SCML1: variants seen among roughly 807,000 people sequenced by gnomAD.
The protein encoded by SCML1 is sex comb on midleg-like protein 1.
For missense variants in SCML1, 137 were observed against 258.1 expected (o/e 0.53, Z 3.22); for synonymous variants, 104 against 103.6 (o/e 1.00, Z -0.02).
chrX:17,749,380 A>G lies in SCML1; in HGVS notation c.199-20A>G. On this transcript the variant is annotated intron_variant, in intron 4 of 7. Coordinates refer to ENST00000380041, the MANE Select transcript of SCML1 (RefSeq NM_001037540.3). Reference sequence around the variant, plus strand: ...TTTTACATTGTATACCAATTATATGACTACATTGTATTATAATAGGTTATA... The same window carrying G: ...TTTTACATTGTATACCAATTATATGGCTACATTGTATTATAATAGGTTATA... 1.2e-6 allele frequency: 1 copy of G among 863,168 alleles called. No individual in the cohort carries two copies. The highest frequency in any genetic ancestry group is 1.6e-6 in the Non-Finnish European group (1 of 607,551). The allele number at this position is 863,168 out of a possible 1,213,427, so 71.1% of individuals were successfully genotyped here.
At chrX:17,752,520 A>G (rs1017218977) in intron 7 of SCML1, among the ~76,000 whole-genome samples, 2 of 112,648 alleles carry the variant, frequency 1.8e-5, no homozygotes, top group Non-Finnish European at 3.8e-5. Flanking sequence ...AAGGTGCCAA[A>G]CAAAGGTTGT....
At chrX:17,738,061 CT>C (rs1349478587) in intron 1 of SCML1, 2 of 112,801 alleles carry the variant, frequency 1.8e-5, no homozygotes, top group Non-Finnish European at 3.7e-5. Context: ...AGTTGATTTC[CT>C]GTCAGACCTT....
intron 1 of SCML1, among the ~76,000 whole-genome samples, chrX:17,740,350 G>T (rs920329079): frequency 3.6e-5 from 4 of 111,827 alleles, no homozygotes; most frequent in Non-Finnish European, 5.6e-5. Flanking sequence ...TGTTGTCTAT[G>T]TGCTCCTTGA....
intron 2 of SCML1, chrX:17,744,473 G>C (rs1405139637): frequency 7.8e-6 from 2 of 257,097 alleles, no homozygotes; most frequent in Admixed American, 1.3e-4. Flanking sequence ...ATTTAACTCT[G>C]TGAGAATCTG....
chrX:17,753,195 C>T (rs921963417), intron 7 of SCML1, 63 bp from the exon 8 acceptor site: 4 of 979,836 alleles, frequency 4.1e-6, no homozygotes, highest in Non-Finnish European at 5.4e-6. Flanking sequence ...TCATAAAGAA[C>T]TAACCATTCT....
At chrX:17,739,848 CA>C (rs747850155) in intron 1 of SCML1, among the ~76,000 whole-genome samples, 566 of 32,822 alleles carry the variant, frequency 0.017, no homozygotes, top group East Asian at 0.024. Context: ...GACTCTGTCT[CA>C]AAAAAAAAAA....
chrX:17,747,331 A>G (rs2066651791), intron 4 of SCML1, among the ~76,000 whole-genome samples: 2 of 110,625 alleles, frequency 1.8e-5, no homozygotes, highest in African/African-American at 6.6e-5. Context: ...CTCTGGCTCC[A>G]GTCCCTGTCC....
chrX:17,749,466 A>T lies in SCML1; in HGVS notation c.265A>T (p.Ile89Phe), dbSNP rs1480187842. The T allele has an allele frequency of 2.5e-6, 3 of 1,195,748 alleles. No homozygotes were observed. Among genetic ancestry groups the T allele is most frequent in the Non-Finnish European group, 2.3e-6 (2 of 884,101 alleles). Residue 89 changes from isoleucine to phenylalanine, a missense_variant, in exon 5 of 8, where the codon ATC becomes TTC. Transcript: ENST00000380041. The part of the protein sequence containing the change: ...IDVIRRKVSK[I>F]QRFHARSLWT... ...TGTGATTCGTAGAAAGGTTTCAAAA[A>T]TCCAACGTTTCCATGCGAGATCCCT...
At chrX:17,752,835 T>C (rs2066725421) in intron 7 of SCML1, among the ~76,000 whole-genome samples, 1 of 111,700 alleles carries the variant, frequency 9.0e-6, no homozygotes, top group Non-Finnish European at 1.9e-5. Flanking sequence ...CAACATTGTA[T>C]AGACATTTAC....
intron 3 of SCML1, 82 bp downstream of exon 3, chrX:17,745,621 T>G: frequency 1.9e-6 from 1 of 527,204 alleles, no homozygotes; most frequent in Non-Finnish European, 3.1e-6. Context: ...TACTATGGAG[T>G]TCCCGTAAAC....
intron 3 of SCML1, 22 bp downstream of exon 3, chrX:17,745,561 A>G (rs2066635203): frequency 4.5e-6 from 4 of 882,978 alleles, no homozygotes; most frequent in Non-Finnish European, 6.6e-6. Context: ...GCTAATTGCC[A>G]AATATATTAA....
At chrX:17,741,199 A>C (rs2066591917) in intron 1 of SCML1, among the ~76,000 whole-genome samples, 1 of 111,454 alleles carries the variant, frequency 9.0e-6, no homozygotes, top group Non-Finnish European at 1.9e-5. Flanking sequence ...TCCTAATGAA[A>C]CTGTTTCATA....
At chrX:17,737,765 GGA>G (rs2066551319) in intron 1 of SCML1, 85 bp downstream of exon 1, 2 of 111,887 alleles carry the variant, frequency 1.8e-5, no homozygotes, top group Non-Finnish European at 3.8e-5. Flanking sequence ...GCTCTCCTGA[GGA>G]GAGAGGGTTT....
At chrX:17,745,995 A>G in intron 3 of SCML1, 23 bp from the exon 4 acceptor site, 1 of 1,042,063 alleles carries the variant, frequency 9.6e-7, no homozygotes, top group Non-Finnish European at 1.3e-6. Context: ...ATAAATCATT[A>G]ACTACTTTTA....
intron 1 of SCML1, among the ~76,000 whole-genome samples, chrX:17,739,667 G>A (rs1412290626): frequency 2.7e-5 from 3 of 109,387 alleles, no homozygotes. Context: ...TGGCCAACAT[G>A]GTGAAACCCA....
intron 4 of SCML1, among the ~76,000 whole-genome samples, chrX:17,748,502 G>A (rs1032266041): frequency 2.7e-5 from 3 of 111,941 alleles, no homozygotes; most frequent in Non-Finnish European, 5.6e-5. Context: ...CACCGCACCC[G>A]GCCAGGAGCT....
chrX:17,742,514 C>T (rs1196966483), intron 1 of SCML1, among the ~76,000 whole-genome samples: 1 of 111,978 alleles, frequency 8.9e-6, no homozygotes, highest in East Asian at 2.8e-4. Context: ...ATTATCTGTC[C>T]TGGTTTTAAA....
intron 6 of SCML1, among the ~76,000 whole-genome samples, chrX:17,751,390 A>C (rs1332042613): frequency 8.9e-6 from 1 of 112,379 alleles, no homozygotes; most frequent in Non-Finnish European, 1.9e-5. Context: ...TTTTGCTAGT[A>C]AAATTAACCT....
chrX:17,743,898 G>T lies in SCML1; in HGVS notation c.-116-173G>T, dbSNP rs145155560. Reference sequence around the variant, plus strand: ...CTTATTTCTAGTCATGAGCAATATGGCCCTTCAGTTTTGAAAGATTTATTC... The same window carrying T: ...CTTATTTCTAGTCATGAGCAATATGTCCCTTCAGTTTTGAAAGATTTATTC... On this transcript the variant is annotated intron_variant, in intron 1 of 7. Transcript: ENST00000380041. 605 of 262,770 alleles carry T rather than the reference G, an allele frequency of 2.3e-3. 6 individuals carry two copies. Among genetic ancestry groups the T allele is most frequent in the African/African-American group, 0.015 (526 of 35,368 alleles). 21.7% of individuals were successfully genotyped at this position (262,770 alleles called of 1,213,427 possible). A position where few individuals can be genotyped will look rare whatever the true frequency, so the allele number is the denominator to read the frequency against.
Sources: gnomAD v4.1 joint callset for allele counts (sites outside exome capture counted in the v4.1 genomes callset) on GRCh38, gnomAD v4.1.1 for gene constraint, MANE v1.5 for transcripts, NCBI Gene and HGNC (gene_info 2026-07-23, HGNC 2026-07-21) for gene names.